Variants in NBEA observed in about 807,000 individuals in gnomAD.
NBEA encodes the protein lysosomal-trafficking regulator 2.
NBEA carries 44 observed loss-of-function variants against 343.4 expected under a neutral mutation model. That is an observed-to-expected ratio of 0.13 (90% confidence interval 0.10 to 0.16). NBEA has a LOEUF of 0.16. Ranked by LOEUF, NBEA falls within the 10% of genes least tolerant of loss-of-function variation. NBEA has a pLI of 1.00. For synonymous variants in NBEA, 1,175 were observed against 1,238.7 expected (o/e 0.95, Z 1.08); for missense variants, 2,555 against 3,631.3 (o/e 0.70, Z 7.62).
chr13:35,614,030 A>G (rs1429888435), intron 48 of NBEA, among the ~76,000 whole-genome samples: 2 of 152,146 alleles, frequency 1.3e-5, no homozygotes, highest in African/African-American at 2.4e-5. Context: ...CATCTTTTTT[A>G]TAATAGCCAA....
At chr13:35,021,828 C>G (rs2061852026) in intron 1 of NBEA, among the ~76,000 whole-genome samples, 1 of 152,062 alleles carries the variant, frequency 6.6e-6, no homozygotes, top group African/African-American at 2.4e-5. Flanking sequence ...GCCCATAGTA[C>G]ATTGTTGTTA....
chr13:35,598,978 C>A (rs891900739), intron 47 of NBEA, among the ~76,000 whole-genome samples: 1 of 152,166 alleles, frequency 6.6e-6, no homozygotes, highest in African/African-American at 2.4e-5. Flanking sequence ...TTTTGCATAG[C>A]TTACACCATT....
At chr13:35,122,576 C>T (rs1239363824) in intron 16 of NBEA, among the ~76,000 whole-genome samples, 7 of 68,766 alleles carry the variant, frequency 1.0e-4, no homozygotes, top group African/African-American at 1.9e-4. Flanking sequence ...GTTGTGGGGT[C>T]GGGGGAGGGG....
chr13:34,989,980 A>G (rs2060693859), intron 1 of NBEA, among the ~76,000 whole-genome samples: 1 of 151,138 alleles, frequency 6.6e-6, no homozygotes, highest in African/African-American at 2.4e-5. Flanking sequence ...TTAAAGCTCC[A>G]AAATAATTTT....
chr13:35,165,177 G>A lies in NBEA; in HGVS notation c.4233+668G>A, dbSNP rs191201597. 18 of 523,770 alleles carry A rather than the reference G, an allele frequency of 3.4e-5. No homozygotes were observed. In the East Asian group the frequency reaches 5.0e-4, roughly 15 times the overall value. The allele number at this position is 523,770 out of a possible 1,614,324, so 32.4% of individuals were successfully genotyped here. A position where few individuals can be genotyped will look rare whatever the true frequency, so the allele number is the denominator to read the frequency against. On this transcript the variant is annotated intron_variant, in intron 24 of 58. Transcript: ENST00000379939. ...GGGAAATATTTCATTTTACTAAGATGTGCTTTAGTTGGTGAGACACTGTTT... is the reference window on the plus strand; with the variant it reads ...GGGAAATATTTCATTTTACTAAGATATGCTTTAGTTGGTGAGACACTGTTT...
At chr13:35,604,467 T>G (rs1364391564) in intron 47 of NBEA, among the ~76,000 whole-genome samples, 1 of 150,950 alleles carries the variant, frequency 6.6e-6, no homozygotes, top group Non-Finnish European at 1.5e-5. Flanking sequence ...AGTTCCACAA[T>G]AGGGCCCCTT....
At position 35,363,665 on chromosome 13, in the gene NBEA, C is replaced by T. The variant is rs486056; in HGVS notation, c.6179+11342C>T. ...TGAAGTGGAAATTTTGCTTATTTCT[C>T]TGATCCATTTGGATTCCCTGGCTTC... On this transcript the variant is annotated intron_variant, in intron 38 of 58. Transcript: ENST00000379939. 3.9e-3 allele frequency among the ~76,000 whole-genome samples: 599 copies of T among 151,778 alleles called. 2 individuals carry two copies. The highest frequency in any genetic ancestry group is 6.7e-3 in the Non-Finnish European group (457 of 67,798).
At chr13:35,317,150 A>G (rs780196810) in intron 36 of NBEA, among the ~76,000 whole-genome samples, 2 of 152,108 alleles carry the variant, frequency 1.3e-5, no homozygotes, top group African/African-American at 2.4e-5. Context: ...TTTTGTTGCC[A>G]TTGCTTTTGG....
Position 35,474,913 on chromosome 13 carries a change from T to G in NBEA, c.6585+2377T>G. On this transcript the variant is annotated intron_variant, in intron 41 of 58. Coordinates refer to ENST00000379939, the MANE Select transcript of NBEA (RefSeq NM_001385012.1). ...TCTCCCCTTGTGGGGGTGGGTGAGA[T>G]GATGTTTAAATATTGTATTATTATT... The G allele has an allele frequency of 3.9e-6, 4 of 1,016,418 alleles. No homozygotes were observed. In the South Asian group the frequency reaches 5.3e-5, roughly 13 times the overall value. The allele number at this position is 1,016,418 out of a possible 1,614,324, so 63.0% of individuals were successfully genotyped here.
intron 38 of NBEA, among the ~76,000 whole-genome samples, chr13:35,369,680 A>G (rs1014939902): frequency 3.9e-5 from 6 of 151,924 alleles, no homozygotes; most frequent in Non-Finnish European, 7.4e-5. Flanking sequence ...TATAAACACT[A>G]CTGATTTTTT....
intron 37 of NBEA, among the ~76,000 whole-genome samples, chr13:35,351,361 A>C (rs2040191146): frequency 6.6e-6 from 1 of 152,028 alleles, no homozygotes; most frequent in Middle Eastern, 3.2e-3. Context: ...AAACTACAAT[A>C]ACAAGAATCA....
At chr13:35,339,768 T>C (rs1360094240) in intron 36 of NBEA, among the ~76,000 whole-genome samples, 2 of 151,938 alleles carry the variant, frequency 1.3e-5, no homozygotes, top group Admixed American at 6.6e-5. Flanking sequence ...TACACACTTT[T>C]AACAACCAAA....
chr13:35,200,907 G>A (rs369505689), intron 31 of NBEA, among the ~76,000 whole-genome samples: 1 of 151,816 alleles, frequency 6.6e-6, no homozygotes, highest in Admixed American at 6.6e-5. Context: ...TAAAAATATT[G>A]AGTAGAGTTA....
At chr13:35,413,958 A>T (rs1265023649) in intron 38 of NBEA, among the ~76,000 whole-genome samples, 1 of 152,174 alleles carries the variant, frequency 6.6e-6, no homozygotes, top group African/African-American at 2.4e-5. Context: ...ATAAGCTAGC[A>T]AATCCAAACA....
At position 35,189,530 on chromosome 13, in the gene NBEA, T is replaced by A. The variant is rs182365429; in HGVS notation, c.4927+5459T>A. ...TATAAAAGTGCATGATACATTTTAA[T>A]AGGATTTATGAGAAGAAAAGGAAAA... On this transcript the variant is annotated intron_variant, in intron 30 of 58. Transcript: ENST00000379939. Among the ~76,000 whole-genome samples, 28 of 151,978 alleles carry A rather than the reference T, an allele frequency of 1.8e-4. No homozygotes were observed. The East Asian group carries it at 5.2e-3, about 28-fold the overall frequency.
rs192922630 is a variant in NBEA, at chr13:35,442,192, T to C, written c.6304+9799T>C. Among the ~76,000 whole-genome samples, 234 of 152,310 alleles carry C rather than the reference T, an allele frequency of 1.5e-3. 1 individual carries two copies. The highest frequency in any genetic ancestry group is 4.5e-3 in the African/African-American group (186 of 41,564). On this transcript the variant is annotated intron_variant, in intron 39 of 58. Coordinates refer to ENST00000379939, the MANE Select transcript of NBEA (RefSeq NM_001385012.1). The stretch of plus-strand genomic sequence containing the variant: ...TATTTATTTCATGTTAGTCTTTTTC[T>C]GTGTGTATTTTATCATAGGGACCAA...
At chr13:35,521,505 G>C (rs2077712283) in intron 41 of NBEA, among the ~76,000 whole-genome samples, 2 of 152,188 alleles carry the variant, frequency 1.3e-5, no homozygotes, top group Admixed American at 6.5e-5. Context: ...GGAGAGACTG[G>C]AACTGAGGAT....
rs550766196 is a variant in NBEA, at chr13:35,282,016, C to G, written c.5777-8373C>G. ...CAAGCTCCACCTTCCGGGTTCACTC[C>G]ATTCTCCTGCCTCAGTCTCCCGAGT... On this transcript the variant is annotated intron_variant, in intron 34 of 58. Transcript: ENST00000379939. Among the ~76,000 whole-genome samples the G allele has an allele frequency of 3.3e-5, 5 of 152,026 alleles. No homozygotes were observed. The East Asian group carries it at 9.7e-4, about 29-fold the overall frequency.
chr13:35,133,092 A>G (rs1422760065), intron 17 of NBEA, among the ~76,000 whole-genome samples: 1 of 152,198 alleles, frequency 6.6e-6, no homozygotes, highest in Non-Finnish European at 1.5e-5. Flanking sequence ...AAAGTGAAAG[A>G]AGATATTTGC....
Sources: allele counts gnomAD v4.1 joint callset (sites outside exome capture counted in the v4.1 genomes callset), GRCh38; gene constraint gnomAD v4.1.1; transcripts MANE v1.5; gene names NCBI Gene and HGNC (gene_info 2026-07-23, HGNC 2026-07-21).